Variants in TANC2 observed in about 807,000 individuals in gnomAD.
TANC2 encodes the protein protein TANC2.
TANC2 carries 26 observed loss-of-function variants against 210.5 expected under a neutral mutation model. The ratio of observed to expected loss-of-function variants is 0.12; its 90% confidence interval spans 0.09 to 0.17. The LOEUF (loss-of-function observed/expected upper bound fraction) is 0.17, where lower values mean the gene tolerates loss of function less well. Among genes scored for constraint, TANC2 ranks in the 10% least tolerant of loss-of-function variants. The probability of loss-of-function intolerance (pLI) is 1.00; values close to 1 mark genes in which losing one functional copy is unlikely to be tolerated. For missense variants in TANC2, 2,129 were observed against 2,608.9 expected, an observed-to-expected ratio of 0.82 and a Z score of 4.01; for synonymous variants, 931 against 967.1, an observed-to-expected ratio of 0.96 and a Z score of 0.69.
chr17:63,316,947 GTTATTAATA>G (rs2045332807), intron 10 of TANC2, among the ~76,000 whole-genome samples: 1 of 54,136 alleles, frequency 1.8e-5, no homozygotes, highest in South Asian at 6.1e-4. Flanking sequence ...CAGAATATAA[GTTATTAATA>G]TAAGTTATTA....
chr17:63,053,787 A>AT (rs1371525039), intron 2 of TANC2, among the ~76,000 whole-genome samples: 1 of 152,182 alleles, frequency 6.6e-6, no homozygotes. Flanking sequence ...TTGCAAGTCC[A>AT]TTTTTTAGGC....
intron 2 of TANC2, among the ~76,000 whole-genome samples, chr17:63,055,845 T>A (rs992404514): frequency 6.7e-6 from 1 of 149,404 alleles, no homozygotes; most frequent in Admixed American, 6.7e-5. Flanking sequence ...CCACAACCAC[T>A]TTTAAAGAGG....
intron 9 of TANC2, among the ~76,000 whole-genome samples, chr17:63,297,064 A>G (rs145952445): frequency 5.3e-5 from 8 of 152,318 alleles, no homozygotes; most frequent in East Asian, 1.9e-4. Flanking sequence ...GCTGGATACA[A>G]TATCAGCTCA....
At position 63,140,497 on chromosome 17, in the gene TANC2, T is replaced by C. The variant is rs2039248959; in HGVS notation, c.323-10773T>C. ...ATGATTTTTCTGTCAGAGGAAGAGATACACTGTAGAATCATGCAGGGACTA... is the reference window on the plus strand; with the variant it reads ...ATGATTTTTCTGTCAGAGGAAGAGACACACTGTAGAATCATGCAGGGACTA... On this transcript the variant is annotated intron_variant, in intron 4 of 27. Transcript: ENST00000689528. 2.6e-5 allele frequency among the ~76,000 whole-genome samples: 4 copies of C among 152,200 alleles called. No individual in the cohort carries two copies. In the South Asian group the frequency reaches 8.3e-4, roughly 32 times the overall value.
intron 25 of TANC2, 86 bp from the exon 26 acceptor site, chr17:63,415,442 C>A: frequency 6.5e-7 from 1 of 1,533,198 alleles, no homozygotes; most frequent in Non-Finnish European, 8.8e-7. Flanking sequence ...GTAACAGCTG[C>A]TGAGAAGAAG....
chr17:63,351,724 A>G (rs2046616397), intron 13 of TANC2, among the ~76,000 whole-genome samples: 2 of 152,098 alleles, frequency 1.3e-5, no homozygotes, highest in Admixed American at 1.3e-4. Context: ...GATCTCTAAC[A>G]CTTTGACTTT....
At chr17:63,301,109 T>A (rs1348342911) in intron 9 of TANC2, among the ~76,000 whole-genome samples, 1 of 152,222 alleles carries the variant, frequency 6.6e-6, no homozygotes. Context: ...GAACCAGCCT[T>A]GCATCCCAGG....
In TANC2 at chr17:63,284,381, CT is replaced by C. The variant is rs61136481; in HGVS notation, c.1159+16509del. On this transcript the variant is annotated intron_variant, in intron 9 of 27. Coordinates refer to ENST00000689528, the Ensembl canonical transcript of TANC2. The stretch of plus-strand genomic sequence containing the variant: ...TCTGTATTTATGTTCATGAGAGATA[CT>C]GGTTTCTAGGGTTTTTTGATGTCTT... 3.7e-3 allele frequency among the ~76,000 whole-genome samples: 562 copies of C among 151,986 alleles called. 1 individual carries two copies. The highest frequency in any genetic ancestry group is 0.012 in the African/African-American group (515 of 41,512).
chr17:63,113,602 G>T lies in TANC2; in HGVS notation c.322+14245G>T, dbSNP rs571143325. ...TGCTCATTGCAGCCTCAACCTCCTG[G>T]GGTCAAGAGATCTTCCCACCTCAGC... is the stretch of plus-strand genomic sequence containing the variant. On this transcript the variant is annotated intron_variant, in intron 4 of 27. Coordinates refer to ENST00000689528, the Ensembl canonical transcript of TANC2. 3.9e-5 allele frequency among the ~76,000 whole-genome samples: 6 copies of T among 152,224 alleles called. No individual in the cohort carries two copies. In the East Asian group the frequency reaches 1.2e-3, roughly 29 times the overall value.
At chr17:63,160,038 C>T (rs920003445) in intron 5 of TANC2, among the ~76,000 whole-genome samples, 2 of 152,306 alleles carry the variant, frequency 1.3e-5, no homozygotes, top group African/African-American at 4.8e-5. Flanking sequence ...TTCCTCTGTG[C>T]ATGCATGTCA....
intron 7 of TANC2, among the ~76,000 whole-genome samples, chr17:63,209,777 G>GT (rs1227905155): frequency 1.2e-4 from 18 of 152,134 alleles, no homozygotes; most frequent in African/African-American, 4.3e-4. Flanking sequence ...TTATGTTCCT[G>GT]TAGATGTTTG....
At chr17:63,013,582 C>T (rs1404365231) in intron 2 of TANC2, among the ~76,000 whole-genome samples, 5 of 151,916 alleles carry the variant, frequency 3.3e-5, no homozygotes, top group African/African-American at 7.3e-5. Context: ...GCCAACATGG[C>T]GAAATCCAGT....
chr17:63,046,456 C>A (rs555740786), intron 2 of TANC2, among the ~76,000 whole-genome samples: 1 of 150,458 alleles, frequency 6.6e-6, no homozygotes, highest in African/African-American at 2.5e-5. Flanking sequence ...TGCAGCCTCC[C>A]GAGTAGCTGA....
intron 5 of TANC2, among the ~76,000 whole-genome samples, chr17:63,185,647 C>T (rs1417255227): frequency 1.3e-5 from 2 of 152,158 alleles, no homozygotes; most frequent in Non-Finnish European, 2.9e-5. Flanking sequence ...TTCAGTGTTC[C>T]TTTGCCCCCT....
intron 18 of TANC2, among the ~76,000 whole-genome samples, chr17:63,397,957 C>T (rs1049569695): frequency 7.9e-5 from 12 of 152,186 alleles, no homozygotes; most frequent in Non-Finnish European, 1.2e-4. Flanking sequence ...ATCAATTGAG[C>T]TGACATGTCA....
chr17:63,108,303 T>G (rs1311355687), intron 4 of TANC2, among the ~76,000 whole-genome samples: 1 of 151,768 alleles, frequency 6.6e-6, no homozygotes, highest in Non-Finnish European at 1.5e-5. Context: ...CAAAAAGAAA[T>G]AAGTGTTTGA....
intron 5 of TANC2, among the ~76,000 whole-genome samples, chr17:63,184,014 CAA>C (rs570141267): frequency 4.3e-5 from 5 of 117,636 alleles, no homozygotes; most frequent in Non-Finnish European, 5.4e-5. Flanking sequence ...GACTCCGTCT[CAA>C]AAAAAAAAAA....
chr17:62,999,031 C>T (rs1427138124), intron 1 of TANC2, among the ~76,000 whole-genome samples: 2 of 152,206 alleles, frequency 1.3e-5, no homozygotes, highest in African/African-American at 2.4e-5. Flanking sequence ...TGGATATTTG[C>T]CCCTGCCCAA....
chr17:62,973,307 C>T (rs1159275852), intron 1 of TANC2, among the ~76,000 whole-genome samples: 2 of 152,138 alleles, frequency 1.3e-5, no homozygotes, highest in Admixed American at 6.5e-5. Flanking sequence ...GCTGGGATTA[C>T]GGGCATGAGC....
Sources: allele counts gnomAD v4.1 joint callset (sites outside exome capture counted in the v4.1 genomes callset), GRCh38; gene constraint gnomAD v4.1.1; transcripts MANE v1.5; gene names NCBI Gene and HGNC (gene_info 2026-07-23, HGNC 2026-07-21).